PDE3A: variants seen among roughly 807,000 people sequenced by gnomAD.
PDE3A encodes cGMP-inhibited 3',5'-cyclic phosphodiesterase 3A.
A neutral mutation model predicts 98.3 loss-of-function variants in PDE3A; 43 were observed. That is an observed-to-expected ratio of 0.44 (90% confidence interval 0.34 to 0.56). The LOEUF is 0.56. Ranked by LOEUF, PDE3A falls within the 20% of genes least tolerant of loss-of-function variation. The pLI is 0.01. For missense variants in PDE3A, 1,427 were observed against 1,440.7 expected (o/e 0.99, Z 0.15); for synonymous variants, 663 against 567.9 (o/e 1.17, Z -2.38).
At chr12:20,586,731 C>T (rs1212097984) in intron 2 of PDE3A, among the ~76,000 whole-genome samples, 1 of 152,100 alleles carries the variant, frequency 6.6e-6, no homozygotes. Flanking sequence ...AAAAGCAAAA[C>T]TTAGGAAAGA....
intron 15 of PDE3A, among the ~76,000 whole-genome samples, chr12:20,661,157 G>T (rs1592157453): frequency 6.6e-6 from 1 of 152,152 alleles, no homozygotes; most frequent in East Asian, 1.9e-4. Flanking sequence ...AAAGAGACTG[G>T]CAGCATTATC....
At chr12:20,399,895 G>A (rs2120653961) in intron 1 of PDE3A, among the ~76,000 whole-genome samples, 1 of 152,266 alleles carries the variant, frequency 6.6e-6, no homozygotes, top group African/African-American at 2.4e-5. Context: ...AATCATTTGT[G>A]TATTTGTATT....
chr12:20,386,062 AT>A lies in PDE3A; in HGVS notation c.960+15819del, dbSNP rs1334552485. Among the ~76,000 whole-genome samples the A allele has an allele frequency of 9.6e-3, 822 of 85,740 alleles. 28 individuals carry two copies. The highest frequency in any genetic ancestry group is 0.017 in the African/African-American group (347 of 20,728). 56.2% of individuals were successfully genotyped at this position (85,740 alleles called of 152,430 possible). On this transcript the variant is annotated intron_variant, in intron 1 of 15. Transcript: ENST00000359062. ...ATAAAATATATATAAATATATATAA[AT>A]ATATATAAAATATATATAAATATAT...
intron 1 of PDE3A, among the ~76,000 whole-genome samples, chr12:20,540,409 G>A (rs992458861): frequency 1.3e-5 from 2 of 152,054 alleles, no homozygotes; most frequent in Non-Finnish European, 2.9e-5. Context: ...CCTTGAAGTT[G>A]TTATTATACT....
intron 1 of PDE3A, among the ~76,000 whole-genome samples, chr12:20,531,583 A>G (rs1941599920): frequency 6.6e-6 from 1 of 152,174 alleles, no homozygotes; most frequent in Non-Finnish European, 1.5e-5. Flanking sequence ...CCTGTCTTAT[A>G]CGTTTCTGTG....
In PDE3A at chr12:20,477,103, G is replaced by T. The variant is rs141669010; in HGVS notation, c.961-79557G>T. On this transcript the variant is annotated intron_variant, in intron 1 of 15. Coordinates refer to ENST00000359062, the MANE Select transcript of PDE3A (RefSeq NM_000921.5). ...ACTCACTGCTAAGCCATATTTTGAG[G>T]CTGTTTCTCTAACAGATGCACAGGG... Among the ~76,000 whole-genome samples, 501 of 152,174 alleles carry T rather than the reference G, an allele frequency of 3.3e-3. 4 individuals are homozygous for T. Among genetic ancestry groups the T allele is most frequent in the African/African-American group, 0.012 (479 of 41,492 alleles).
chr12:20,376,049 G>A (rs1943566474), intron 1 of PDE3A, among the ~76,000 whole-genome samples: 1 of 151,822 alleles, frequency 6.6e-6, no homozygotes, highest in Admixed American at 6.6e-5. Flanking sequence ...AATTACTTTG[G>A]TGTACCTTTA....
At chr12:20,630,933 G>T (rs1433004978) in intron 6 of PDE3A, among the ~76,000 whole-genome samples, 9 of 152,094 alleles carry the variant, frequency 5.9e-5, no homozygotes. Flanking sequence ...TTGAATAAAT[G>T]AGTAACTTGT....
chr12:20,515,638 A>G (rs1026280520), intron 1 of PDE3A, among the ~76,000 whole-genome samples: 1 of 152,242 alleles, frequency 6.6e-6, no homozygotes, highest in Non-Finnish European at 1.5e-5. Context: ...TAACTAATGC[A>G]GAAATCCGAA....
intron 1 of PDE3A, among the ~76,000 whole-genome samples, chr12:20,401,772 T>C (rs141045163): frequency 6.6e-6 from 1 of 152,294 alleles, no homozygotes; most frequent in African/African-American, 2.4e-5. Flanking sequence ...AATAGTTTTA[T>C]AAGTGAGGGT....
intron 1 of PDE3A, among the ~76,000 whole-genome samples, chr12:20,488,879 CAAA>C (rs5796863): frequency 1.8e-4 from 22 of 118,932 alleles, no homozygotes; most frequent in Non-Finnish European, 2.6e-4. Context: ...TCCCTGTCTC[CAAA>C]AAAAAAAAAA....
intron 15 of PDE3A, among the ~76,000 whole-genome samples, chr12:20,679,319 C>G (rs1008051739): frequency 1.3e-5 from 2 of 152,164 alleles, no homozygotes; most frequent in Admixed American, 6.5e-5. Flanking sequence ...TCTATCTCAG[C>G]TCACTGCAAG....
chr12:20,553,982 T>G (rs867451019), intron 1 of PDE3A, among the ~76,000 whole-genome samples: 11 of 141,904 alleles, frequency 7.8e-5, no homozygotes, highest in Admixed American at 5.4e-4. Flanking sequence ...TACAAGAGGG[T>G]TTTTTTTTTA....
intron 1 of PDE3A, among the ~76,000 whole-genome samples, chr12:20,491,945 C>G (rs1279455657): frequency 6.6e-6 from 1 of 152,008 alleles, no homozygotes; most frequent in Non-Finnish European, 1.5e-5. Context: ...CTGTTGTAAT[C>G]TTACTTCCCA....
At chr12:20,575,874 T>C (rs1016979502) in intron 2 of PDE3A, among the ~76,000 whole-genome samples, 3 of 151,806 alleles carry the variant, frequency 2.0e-5, no homozygotes, top group East Asian at 1.9e-4. Context: ...AAGGGTCTTT[T>C]TTAAAAAAAT....
chr12:20,371,453 G>T (rs184325363), intron 1 of PDE3A: 1 of 981,546 alleles, frequency 1.0e-6, no homozygotes, highest in Admixed American at 6.2e-5. Context: ...ACTTTAGGGA[G>T]CAAGAGAATA....
At position 20,440,488 on chromosome 12, in the gene PDE3A, C is replaced by CT. The variant is rs529566559; in HGVS notation, c.960+70249dup. Among the ~76,000 whole-genome samples, 4 of 152,218 alleles carry CT rather than the reference C, an allele frequency of 2.6e-5. No homozygotes were observed. In the East Asian group the frequency reaches 7.7e-4, roughly 29 times the overall value. On this transcript the variant is annotated intron_variant, in intron 1 of 15. Transcript: ENST00000359062. ...CCAAAAGAACTGGGATAGGCTGTATCTTTTTCACGTTACAATGATCAAACT... is the reference window on the plus strand; with the variant it reads ...CCAAAAGAACTGGGATAGGCTGTATCTTTTTTCACGTTACAATGATCAAACT...
At chr12:20,425,494 T>A (rs1412890346) in intron 1 of PDE3A, among the ~76,000 whole-genome samples, 2 of 152,196 alleles carry the variant, frequency 1.3e-5, no homozygotes. Context: ...TTTGTATGAA[T>A]AAATACATTT....
intron 1 of PDE3A, among the ~76,000 whole-genome samples, chr12:20,512,111 C>T (rs1322311761): frequency 6.6e-6 from 1 of 151,506 alleles, no homozygotes; most frequent in African/African-American, 2.4e-5. Flanking sequence ...TAGATAGGAC[C>T]CTGGAACAAA....
Sources: allele counts gnomAD v4.1 joint callset (sites outside exome capture counted in the v4.1 genomes callset), GRCh38; gene constraint gnomAD v4.1.1; transcripts MANE v1.5; gene names NCBI Gene and HGNC (gene_info 2026-07-23, HGNC 2026-07-21).